The following TTC28 variants were observed in gnomAD, a reference collection of about 807,000 sequenced individuals.
TTC28 encodes the protein tetratricopeptide repeat domain 28.
A neutral mutation model predicts 198.0 loss-of-function variants in TTC28; 61 were observed. The ratio of observed to expected loss-of-function variants is 0.31; its 90% confidence interval spans 0.25 to 0.38. The LOEUF is 0.38. Among genes scored for constraint, TTC28 ranks in the 10% least tolerant of loss-of-function variants. TTC28 has a pLI of 1.00. For synonymous variants in TTC28, 1,171 were observed against 1,297.8 expected (o/e 0.90, Z 2.10); for missense variants, 2,678 against 3,164.0 (o/e 0.85, Z 3.69).
chr22:28,036,073 A>C (rs1471358177), intron 12 of TTC28, among the ~76,000 whole-genome samples: 1 of 152,184 alleles, frequency 6.6e-6, no homozygotes, highest in Non-Finnish European at 1.5e-5. Context: ...TCGATATTAG[A>C]CAGATCAACG....
chr22:28,108,444 C>A, intron 6 of TTC28, 41 bp from the exon 7 acceptor site: 2 of 1,389,856 alleles, frequency 1.4e-6, no homozygotes, highest in Non-Finnish European at 1.9e-6. Context: ...ACTGAAATAA[C>A]TGATTTGCAA....
At chr22:28,515,739 A>G (rs924363437) in intron 2 of TTC28, among the ~76,000 whole-genome samples, 1 of 152,222 alleles carries the variant, frequency 6.6e-6, no homozygotes, top group Non-Finnish European at 1.5e-5. Flanking sequence ...AAATTACAAA[A>G]TAAGTCAGGT....
chr22:28,504,645 C>G (rs2048581045), intron 2 of TTC28, among the ~76,000 whole-genome samples: 1 of 152,194 alleles, frequency 6.6e-6, no homozygotes, highest in Non-Finnish European at 1.5e-5. Flanking sequence ...GCTAAATAAA[C>G]TGCACAGTCT....
At chr22:28,167,994 T>G (rs962874664) in intron 5 of TTC28, among the ~76,000 whole-genome samples, 2 of 152,206 alleles carry the variant, frequency 1.3e-5, no homozygotes, top group Non-Finnish European at 2.9e-5. Context: ...AAAATCAATG[T>G]GCAAAAATCA....
chr22:28,460,863 T>A (rs1330434356), intron 2 of TTC28, among the ~76,000 whole-genome samples: 1 of 152,068 alleles, frequency 6.6e-6, no homozygotes, highest in Non-Finnish European at 1.5e-5. Context: ...TGTAAGTTTT[T>A]TTGTAGAGAC....
At chr22:28,675,322 C>G (rs901624508) in intron 1 of TTC28, among the ~76,000 whole-genome samples, 1 of 152,108 alleles carries the variant, frequency 6.6e-6, no homozygotes, top group Non-Finnish European at 1.5e-5. Context: ...AGGGGTAAAT[C>G]ATAGGGCTAA....
intron 12 of TTC28, among the ~76,000 whole-genome samples, chr22:28,038,711 C>G (rs1939471434): frequency 6.6e-6 from 1 of 152,190 alleles, no homozygotes; most frequent in Non-Finnish European, 1.5e-5. Flanking sequence ...GCAAAAGAAA[C>G]TACCGTCAGA....
intron 2 of TTC28, among the ~76,000 whole-genome samples, chr22:28,418,457 T>C (rs1414799316): frequency 1.3e-5 from 2 of 152,206 alleles, no homozygotes; most frequent in Non-Finnish European, 2.9e-5. Context: ...TAAACTTACA[T>C]AAATTCTCAG....
At chr22:28,224,129 T>C (rs1462415981) in intron 5 of TTC28, among the ~76,000 whole-genome samples, 3 of 152,232 alleles carry the variant, frequency 2.0e-5, no homozygotes, top group South Asian at 2.1e-4. Flanking sequence ...CATCCTACGA[T>C]GCACAGAACA....
chr22:28,399,288 C>T (rs1441755131), intron 2 of TTC28, among the ~76,000 whole-genome samples: 3 of 147,804 alleles, frequency 2.0e-5, no homozygotes, highest in Non-Finnish European at 3.0e-5. Context: ...CTATCAAGTA[C>T]AATGTTTGTA....
At chr22:28,020,803 G>GCA (rs1180800105) in intron 13 of TTC28, among the ~76,000 whole-genome samples, 3 of 136,030 alleles carry the variant, frequency 2.2e-5, no homozygotes, top group Admixed American at 1.4e-4. Context: ...ACACACACAC[G>GCA]CACACACACA....
At chr22:28,285,840 T>C (rs923568668) in intron 5 of TTC28, among the ~76,000 whole-genome samples, 2 of 152,146 alleles carry the variant, frequency 1.3e-5, no homozygotes, top group African/African-American at 4.8e-5. Flanking sequence ...TATTTTTTAC[T>C]GCAACCATGT....
At chr22:28,072,056 G>C (rs1337672801) in intron 12 of TTC28, among the ~76,000 whole-genome samples, 1 of 152,224 alleles carries the variant, frequency 6.6e-6, no homozygotes, top group Non-Finnish European at 1.5e-5. Flanking sequence ...TCTGGATTAA[G>C]TCTACCTCTT....
At chr22:28,391,745 A>G (rs1157321962) in intron 2 of TTC28, among the ~76,000 whole-genome samples, 1 of 152,156 alleles carries the variant, frequency 6.6e-6, no homozygotes, top group Non-Finnish European at 1.5e-5. Context: ...ACGTTCTTCT[A>G]AACTTTTTTG....
At chr22:28,525,208 G>A (rs550941530) in intron 2 of TTC28, among the ~76,000 whole-genome samples, 2 of 152,066 alleles carry the variant, frequency 1.3e-5, no homozygotes, top group African/African-American at 2.4e-5. Context: ...GGAGTGCAGC[G>A]GTGCAATCAT....
chr22:28,262,461 T>A (rs1336169340), intron 5 of TTC28, among the ~76,000 whole-genome samples: 1 of 152,180 alleles, frequency 6.6e-6, no homozygotes, highest in African/African-American at 2.4e-5. Flanking sequence ...AATATATTCA[T>A]CATCCAATTT....
At chr22:28,104,280 C>T (rs529998075) in intron 8 of TTC28, among the ~76,000 whole-genome samples, 6 of 152,324 alleles carry the variant, frequency 3.9e-5, no homozygotes, top group African/African-American at 1.4e-4. Context: ...TACTCCTTGA[C>T]TAACTGACTA....
At chr22:28,317,621 C>A (rs2145839018) in intron 2 of TTC28, among the ~76,000 whole-genome samples, 1 of 152,268 alleles carries the variant, frequency 6.6e-6, no homozygotes, top group South Asian at 2.1e-4. Flanking sequence ...GAACCATACA[C>A]TACATAATGG....
intron 5 of TTC28, among the ~76,000 whole-genome samples, chr22:28,267,103 G>T (rs1225525486): frequency 6.6e-6 from 1 of 152,154 alleles, no homozygotes; most frequent in African/African-American, 2.4e-5. Context: ...AGAAAACTGA[G>T]TAACAGTTGA....
Sources: gnomAD v4.1 joint callset for allele counts (sites outside exome capture counted in the v4.1 genomes callset) on GRCh38, gnomAD v4.1.1 for gene constraint, MANE v1.5 for transcripts, NCBI Gene and HGNC (gene_info 2026-07-23, HGNC 2026-07-21) for gene names.